FKBP5: variants seen among roughly 807,000 people sequenced by gnomAD.
FKBP5 encodes FKBP prolyl isomerase 5, also known as peptidyl-prolyl cis-trans isomerase FKBP5.
Under a neutral mutation model 50.5 loss-of-function variants are expected in FKBP5, and 23 were observed. The ratio of observed to expected loss-of-function variants is 0.46; its 90% CI spans 0.33 to 0.65. FKBP5 has a LOEUF of 0.65. Among genes scored for constraint, FKBP5 ranks in the 30% least tolerant of loss-of-function variants. FKBP5 has a pLI of 0.02. For synonymous variants in FKBP5, 176 were observed against 190.6 expected (o/e 0.92, Z 0.63); for missense variants, 411 against 553.1 (o/e 0.74, Z 2.58).
At chr6:35,600,217 A>G (rs1763102984) in intron 5 of FKBP5, among the ~76,000 whole-genome samples, 1 of 152,168 alleles carries the variant, frequency 6.6e-6, no homozygotes. Flanking sequence ...CTGTACATGC[A>G]TACTAGAGAG....
intron 1 of FKBP5, among the ~76,000 whole-genome samples, chr6:35,679,752 T>C (rs193176803): frequency 1.3e-5 from 2 of 152,182 alleles, no homozygotes; most frequent in Non-Finnish European, 2.9e-5. Context: ...AGTGATATAA[T>C]GGATTCTAGA....
chr6:35,715,545 C>A (rs1278242908), intron 2 of FKBP5, among the ~76,000 whole-genome samples: 1 of 152,164 alleles, frequency 6.6e-6, no homozygotes, highest in Non-Finnish European at 1.5e-5. Flanking sequence ...TTTGGAGTTC[C>A]TTGCTAGGTC....
At chr6:35,723,387 G>A (rs1344985244) in intron 1 of FKBP5, among the ~76,000 whole-genome samples, 2 of 152,174 alleles carry the variant, frequency 1.3e-5, no homozygotes, top group African/African-American at 2.4e-5. Flanking sequence ...TAACAAGGCT[G>A]AGCAATCTGA....
At chr6:35,604,784 T>C (rs1216153262) in intron 5 of FKBP5, among the ~76,000 whole-genome samples, 13 of 152,156 alleles carry the variant, frequency 8.5e-5, no homozygotes, top group Non-Finnish European at 1.8e-4. Context: ...TTTGGTTTTC[T>C]ACACAGTGTT....
At chr6:35,588,173 G>GC (rs1476267226) in intron 7 of FKBP5, among the ~76,000 whole-genome samples, 2 of 151,680 alleles carry the variant, frequency 1.3e-5, no homozygotes, top group Non-Finnish European at 2.9e-5. Flanking sequence ...TTACAGGCAT[G>GC]CACCACCATG....
rs1340710841 is a variant in FKBP5, at chr6:35,586,165, G to C, written c.840+869C>G. 6.1e-6 allele frequency: 6 copies of C among 984,662 alleles called. No homozygotes were observed. The African/African-American group carries it at 1.1e-4, about 17-fold the overall frequency. 61.0% of individuals were successfully genotyped at this position (984,662 alleles called of 1,614,324 possible). A position where few individuals can be genotyped will look rare whatever the true frequency, so the allele number is the denominator to read the frequency against. ...TGACATGGAGAAGGCATATATTTGG[G>C]GTGGGGAAGCAATGGGTAGAACACT... On this transcript the variant is annotated intron_variant, in intron 8 of 10. Coordinates refer to ENST00000357266, the MANE Select transcript of FKBP5 (RefSeq NM_004117.4).
intron 3 of FKBP5, among the ~76,000 whole-genome samples, chr6:35,631,974 AAG>A (rs1764173381): frequency 1.3e-5 from 2 of 151,684 alleles, no homozygotes; most frequent in South Asian, 4.2e-4. Context: ...AAAAAAAAAA[AAG>A]GGTAGAAATA....
chr6:35,667,702 G>A (rs1436898828), intron 1 of FKBP5, among the ~76,000 whole-genome samples: 5 of 152,186 alleles, frequency 3.3e-5, no homozygotes, highest in African/African-American at 9.7e-5. Flanking sequence ...CCAACATGGT[G>A]AAACCCCATC....
At position 35,671,632 on chromosome 6, in the gene FKBP5, C is replaced by T. The variant is rs184663706; in HGVS notation, c.-20+17172G>A. Among the ~76,000 whole-genome samples, 1,078 of 152,112 alleles carry T rather than the reference C, an allele frequency of 7.1e-3. 8 individuals are homozygous for T. The highest frequency in any genetic ancestry group is 0.012 in the Non-Finnish European group (795 of 67,984). ...CCTAAAGAAGTTAAATTACAAAAAA[C>T]TTCATATTCTAAGAATGAAGTTAAC... On this transcript the variant is annotated intron_variant, in intron 1 of 10. Coordinates refer to ENST00000357266, the MANE Select transcript of FKBP5 (RefSeq NM_004117.4).
At chr6:35,595,374 A>G in intron 6 of FKBP5, among the ~76,000 whole-genome samples, 1 of 152,226 alleles carries the variant, frequency 6.6e-6, no homozygotes, top group East Asian at 1.9e-4. Flanking sequence ...AAGGGAGCTT[A>G]AATTTTGAAA....
At chr6:35,712,042 TAAAAAAA>T (rs71002597) in intron 2 of FKBP5, among the ~76,000 whole-genome samples, 1 of 128,284 alleles carries the variant, frequency 7.8e-6, no homozygotes, top group Non-Finnish European at 1.6e-5. Context: ...CTGGGCTAAT[TAAAAAAA>T]AAAAAAAAAA....
At chr6:35,599,956 T>C (rs912825370) in intron 5 of FKBP5, among the ~76,000 whole-genome samples, 1 of 152,230 alleles carries the variant, frequency 6.6e-6, no homozygotes, top group African/African-American at 2.4e-5. Context: ...TGTGGGAACA[T>C]CTTAGAATGT....
rs1158530509 is a variant in FKBP5 at position 35,605,383 on chromosome 6, C to CTTTTTTTTTTT, written c.509-7990_509-7980dup. On this transcript the variant is annotated intron_variant, in intron 5 of 10. Transcript: ENST00000357266. ...TAATAAGAGCCACCTATGACAATAT[C>CTTTTTTTTTTT]TTTTTTTTTTTTTTTTTTTTTTTTT... 2.1e-4 allele frequency among the ~76,000 whole-genome samples: 11 copies of CTTTTTTTTTTT among 52,310 alleles called. 2 individuals carry two copies. Among genetic ancestry groups the CTTTTTTTTTTT allele is most frequent in the East Asian group, 7.5e-4 (1 of 1,332 alleles). 34.3% of individuals were successfully genotyped at this position (52,310 alleles called of 152,430 possible).
upstream of FKBP5, among the ~76,000 whole-genome samples, chr6:35,690,264 T>C (rs1765959518): frequency 6.6e-6 from 1 of 151,484 alleles, no homozygotes; most frequent in South Asian, 2.1e-4. Context: ...AGGTCGGGAG[T>C]TCGAGACGAG....
intron 2 of FKBP5, among the ~76,000 whole-genome samples, chr6:35,703,001 G>A (rs748098929): frequency 6.6e-6 from 1 of 152,154 alleles, no homozygotes; most frequent in Non-Finnish European, 1.5e-5. Flanking sequence ...TGTAATTTCA[G>A]CACTTTGGGA....
At chr6:35,620,684 G>A (rs1763806155) in intron 3 of FKBP5, among the ~76,000 whole-genome samples, 1 of 152,130 alleles carries the variant, frequency 6.6e-6, no homozygotes, top group Non-Finnish European at 1.5e-5. Context: ...GAGCCCAGGA[G>A]ATTGAGGCTT....
chr6:35,583,003 C>T (rs978382392), intron 8 of FKBP5: 2 of 891,872 alleles, frequency 2.2e-6, no homozygotes, highest in Non-Finnish European at 2.7e-6. Context: ...AGGAGGATCT[C>T]TTAAGTCCAG....
At chr6:35,584,039 T>C in intron 8 of FKBP5, 1 of 985,396 alleles carries the variant, frequency 1.0e-6, no homozygotes, top group Non-Finnish European at 1.2e-6. Context: ...TTCTTAGCCT[T>C]CTTGCCACTC....
chr6:35,666,832 G>A (rs979461628), intron 1 of FKBP5, among the ~76,000 whole-genome samples: 8 of 152,072 alleles, frequency 5.3e-5, no homozygotes, highest in African/African-American at 9.7e-5. Flanking sequence ...GCAGTAAGCC[G>A]AGATTGCACC....
Sources: allele counts gnomAD v4.1 joint callset (sites outside exome capture counted in the v4.1 genomes callset), GRCh38; gene constraint gnomAD v4.1.1; transcripts MANE v1.5; gene names NCBI Gene and HGNC (gene_info 2026-07-23, HGNC 2026-07-21).